The following CRYZL1 variants were observed in gnomAD, a reference collection of about 807,000 sequenced individuals.
CRYZL1 encodes ferry endosomal RAB5 effector complex subunit 4.
CRYZL1 carries 34 observed loss-of-function variants against 50.6 expected under a neutral mutation model. That is an observed-to-expected ratio of 0.67 (90% CI 0.51 to 0.89). CRYZL1 has a LOEUF of 0.89. CRYZL1 is among the 40% of genes least tolerant of loss of function. The pLI, the probability that CRYZL1 is intolerant of heterozygous loss-of-function variation, is 0.00. For missense variants in CRYZL1, 354 were observed against 402.3 expected, an observed-to-expected ratio of 0.88 and a Z score of 1.03; for synonymous variants, 125 against 134.3, an observed-to-expected ratio of 0.93 and a Z score of 0.48.
chr21:33,610,735 T>G (rs1464107935), intron 6 of CRYZL1, among the ~76,000 whole-genome samples: 1 of 143,516 alleles, frequency 7.0e-6, no homozygotes, highest in Non-Finnish European at 1.5e-5. Flanking sequence ...TTGTTTTTTT[T>G]TTTTTTTTTT....
chr21:33,632,144 GA>G (rs1157724875), intron 1 of CRYZL1, among the ~76,000 whole-genome samples: 1 of 141,290 alleles, frequency 7.1e-6, no homozygotes, highest in Non-Finnish European at 1.5e-5. Context: ...CCGACATGGA[GA>G]AACCCCATCT....
At chr21:33,595,496 T>G (rs1175123633) in intron 11 of CRYZL1, 4 of 1,291,386 alleles carry the variant, frequency 3.1e-6, no homozygotes, top group Non-Finnish European at 3.2e-6. Flanking sequence ...TCCTTGAGTC[T>G]GTATCAACAT....
At chr21:33,631,188 G>A (rs1480555228) in intron 2 of CRYZL1, among the ~76,000 whole-genome samples, 1 of 152,168 alleles carries the variant, frequency 6.6e-6, no homozygotes, top group East Asian at 1.9e-4. Flanking sequence ...TGATAGATAT[G>A]CTAATTACCC....
At chr21:33,612,447 A>C (rs1254758984) in intron 6 of CRYZL1, among the ~76,000 whole-genome samples, 1 of 152,102 alleles carries the variant, frequency 6.6e-6, no homozygotes, top group Admixed American at 6.6e-5. Context: ...CCAACAGCCC[A>C]GCTAAGATTT....
intron 5 of CRYZL1, among the ~76,000 whole-genome samples, chr21:33,613,938 C>T (rs1438129957): frequency 2.0e-5 from 3 of 151,914 alleles, no homozygotes; most frequent in African/African-American, 4.8e-5. Flanking sequence ...TTTGGGAGGC[C>T]GAGGCAGGTG....
intron 11 of CRYZL1, among the ~76,000 whole-genome samples, chr21:33,593,096 TAA>T (rs2086659692): frequency 6.6e-6 from 1 of 151,674 alleles, no homozygotes; most frequent in South Asian, 2.1e-4. Context: ...TTAGCAAATA[TAA>T]GTCATTTAAA....
Position 33,593,770 on chromosome 21 carries a change from G to A in CRYZL1, c.904+1961C>T, listed in dbSNP as rs554800593. On this transcript the variant is annotated intron_variant, in intron 11 of 12. Transcript: ENST00000381554. ...GGCTGAGGCGTGTGGATCACCTGAGGTTAGGCGTTTGAGACCAGCTTGACC... is the reference window on the plus strand; with the variant it reads ...GGCTGAGGCGTGTGGATCACCTGAGATTAGGCGTTTGAGACCAGCTTGACC... Among the ~76,000 whole-genome samples, 18 of 152,028 alleles carry A rather than the reference G, an allele frequency of 1.2e-4. No individual in the cohort carries two copies. The East Asian group carries it at 3.5e-3, about 30-fold the overall frequency.
At chr21:33,597,455 T>G in intron 9 of CRYZL1, 54 bp from the exon 10 acceptor site, 1 of 1,315,524 alleles carries the variant, frequency 7.6e-7, no homozygotes, top group Non-Finnish European at 1.1e-6. Context: ...TATTTTATAA[T>G]AATCTGACAA....
intron 5 of CRYZL1, among the ~76,000 whole-genome samples, chr21:33,614,857 A>G (rs2086911474): frequency 6.6e-6 from 1 of 152,176 alleles, no homozygotes; most frequent in Admixed American, 6.5e-5. Flanking sequence ...GGTGTGAGCC[A>G]CTACACCCAG....
intron 4 of CRYZL1, among the ~76,000 whole-genome samples, chr21:33,621,431 T>C (rs1601343591): frequency 1.3e-5 from 2 of 150,026 alleles, no homozygotes; most frequent in African/African-American, 4.9e-5. Context: ...AAGCTCTGCC[T>C]CCCAGGTTCA....
Position 33,589,703 on chromosome 21 carries a change from CG to C in CRYZL1, c.*118del, listed in dbSNP as rs1272657513. The C allele has an allele frequency of 1.5e-6, 1 of 664,456 alleles. No individual in the cohort carries two copies. 41.2% of individuals were successfully genotyped at this position (664,456 alleles called of 1,614,324 possible). Reference sequence around the variant, plus strand: ...TGAGCATCTTGTCTTAGCAGAGAAACGTGCTTAAAAATGCAACTTGTTTTAT... The same window carrying C: ...TGAGCATCTTGTCTTAGCAGAGAAACTGCTTAAAAATGCAACTTGTTTTAT... On this transcript the variant is annotated 3_prime_UTR_variant, in exon 13 of 13. Coordinates refer to ENST00000381554, the MANE Select transcript of CRYZL1 (RefSeq NM_145858.3).
At chr21:33,631,288 A>G (rs557833231) in intron 2 of CRYZL1, among the ~76,000 whole-genome samples, 198 bp downstream of exon 2, 2 of 152,360 alleles carry the variant, frequency 1.3e-5, no homozygotes, top group African/African-American at 4.8e-5. Context: ...TAAAAACAAA[A>G]TAAAACTTAA....
chr21:33,594,961 T>G (rs1430304360), intron 11 of CRYZL1: 1 of 164,154 alleles, frequency 6.1e-6, no homozygotes, highest in African/African-American at 2.4e-5. Context: ...AAATCTTTCT[T>G]CAGACACACA....
chr21:33,604,840 G>A (rs529128701), intron 6 of CRYZL1, among the ~76,000 whole-genome samples: 1 of 152,258 alleles, frequency 6.6e-6, no homozygotes, highest in South Asian at 2.1e-4. Flanking sequence ...CACCGTGCAT[G>A]GGTTTTCCTA....
At chr21:33,610,932 T>G (rs920681534) in intron 6 of CRYZL1, among the ~76,000 whole-genome samples, 1 of 151,604 alleles carries the variant, frequency 6.6e-6, no homozygotes, top group Non-Finnish European at 1.5e-5. Context: ...GGTTTCACCA[T>G]GTTGGCCAGG....
chr21:33,606,396 T>A (rs1026034905), intron 6 of CRYZL1, among the ~76,000 whole-genome samples: 2 of 149,164 alleles, frequency 1.3e-5, no homozygotes, highest in Non-Finnish European at 3.0e-5. Context: ...GAGGCCAAGG[T>A]AGGCAGATCA....
At chr21:33,591,049 A>G in intron 12 of CRYZL1, 113 bp downstream of exon 12, 1 of 763,740 alleles carries the variant, frequency 1.3e-6, no homozygotes, top group South Asian at 1.5e-5. Flanking sequence ...TAATAATAAA[A>G]TATGGAGGCA....
chr21:33,623,611 C>T (rs1447088527), intron 3 of CRYZL1, among the ~76,000 whole-genome samples: 1 of 152,164 alleles, frequency 6.6e-6, no homozygotes, highest in African/African-American at 2.4e-5. Flanking sequence ...GCTCATGTTA[C>T]AGAGTTGCCC....
chr21:33,622,142 G>C (rs1269640127), intron 3 of CRYZL1, 74 bp from the exon 4 acceptor site: 6 of 1,165,202 alleles, frequency 5.1e-6, no homozygotes. Context: ...TGAGGAAAGC[G>C]AGAGTAAAAG....
Sources: gnomAD v4.1 joint callset for allele counts (sites outside exome capture counted in the v4.1 genomes callset) on GRCh38, gnomAD v4.1.1 for gene constraint, MANE v1.5 for transcripts, NCBI Gene and HGNC (gene_info 2026-07-23, HGNC 2026-07-21) for gene names.